DAB1: variants seen among roughly 807,000 people sequenced by gnomAD.
DAB1 encodes disabled homolog 1.
DAB1 carries 15 observed loss-of-function variants against 64.6 expected under a neutral mutation model. The ratio of observed to expected loss-of-function variants is 0.23; its 90% CI spans 0.16 to 0.36. The LOEUF is 0.36. Ranked by LOEUF, DAB1 falls within the 10% of genes least tolerant of loss-of-function variation. The pLI is 1.00. For synonymous variants in DAB1, 235 were observed against 251.9 expected, an observed-to-expected ratio of 0.93 and a Z score of 0.64; for missense variants, 596 against 706.7, an observed-to-expected ratio of 0.84 and a Z score of 1.78.
intron 3 of DAB1, among the ~76,000 whole-genome samples, chr1:58,435,424 T>A (rs706427): frequency 1.3e-4 from 19 of 151,962 alleles, no homozygotes; most frequent in Non-Finnish European, 1.0e-4. Flanking sequence ...TCATATCTTA[T>A]GCATTATAGC....
intron 5 of DAB1, among the ~76,000 whole-genome samples, chr1:58,136,525 G>A (rs17116988): frequency 0.2 from 29,755 of 152,094 alleles, 3,110 homozygotes; most frequent in East Asian, 0.36. Context: ...CTTGAAATGC[G>A]AGATTTATAA....
chr1:57,499,514 C>A (rs1039678696), intron 7 of DAB1, among the ~76,000 whole-genome samples: 1 of 152,058 alleles, frequency 6.6e-6, no homozygotes, highest in African/African-American at 2.4e-5. Context: ...GGTGGTCATG[C>A]CATTCTGCCC....
intron 4 of DAB1, among the ~76,000 whole-genome samples, chr1:58,215,596 A>C (rs1570494642): frequency 6.6e-6 from 1 of 152,190 alleles, no homozygotes; most frequent in Non-Finnish European, 1.5e-5. Flanking sequence ...AAGTGAGTGC[A>C]TGAATAAAGG....
chr1:57,237,208 A>G (rs1668154407), intron 2 of DAB1, among the ~76,000 whole-genome samples: 1 of 152,220 alleles, frequency 6.6e-6, no homozygotes, highest in African/African-American at 2.4e-5. Context: ...TATCTGAATA[A>G]GCCCAATGTG....
intron 1 of DAB1, among the ~76,000 whole-genome samples, chr1:57,356,936 T>C (rs1449268120): frequency 6.6e-6 from 1 of 151,964 alleles, no homozygotes; most frequent in Non-Finnish European, 1.5e-5. Flanking sequence ...TTTTAAGCCA[T>C]GTGGCTTTAA....
chr1:58,208,291 A>G (rs1410474193), intron 4 of DAB1, among the ~76,000 whole-genome samples: 2 of 152,130 alleles, frequency 1.3e-5, no homozygotes, highest in African/African-American at 2.4e-5. Flanking sequence ...TTTTTTTAGC[A>G]TTTTAAAAAA....
At chr1:58,230,272 C>T (rs1471036292) in intron 4 of DAB1, among the ~76,000 whole-genome samples, 2 of 150,856 alleles carry the variant, frequency 1.3e-5, no homozygotes, top group African/African-American at 2.5e-5. Flanking sequence ...AATAAAACAC[C>T]TTGGTGTCGG....
chr1:58,119,708 CAG>C (rs1329461652), intron 5 of DAB1, among the ~76,000 whole-genome samples: 2 of 152,156 alleles, frequency 1.3e-5, no homozygotes, highest in Non-Finnish European at 2.9e-5. Flanking sequence ...AGGTCGGGAG[CAG>C]AGAGGCCTGA....
At chr1:57,621,570 T>C (rs567225663) in intron 7 of DAB1, among the ~76,000 whole-genome samples, 56 of 152,136 alleles carry the variant, frequency 3.7e-4, no homozygotes, top group Middle Eastern at 3.4e-3. Context: ...ACTCTGAGGC[T>C]AGGCGATTGT....
At chr1:57,452,424 G>C (rs1686420367) in intron 7 of DAB1, among the ~76,000 whole-genome samples, 1 of 152,062 alleles carries the variant, frequency 6.6e-6, no homozygotes, top group Non-Finnish European at 1.5e-5. Flanking sequence ...GCATGACCAG[G>C]ACATTTTTTT....
chr1:58,314,964 A>T lies in DAB1; in HGVS notation n.309+28388T>A, dbSNP rs145777474. 3.5e-3 allele frequency among the ~76,000 whole-genome samples: 532 copies of T among 152,346 alleles called. 4 individuals carry two copies. The highest frequency in any genetic ancestry group is 0.012 in the African/African-American group (508 of 41,572). On this transcript the variant is annotated intron_variant and non_coding_transcript_variant, in intron 4 of 20. Coordinates refer to the DAB1 transcript ENST00000485760. Reference sequence around the variant, plus strand: ...TGAGAGTTTAAGTAATTTCCTCCAAACAATGAACATCCAGTGAGACTCTAA... The same window carrying T: ...TGAGAGTTTAAGTAATTTCCTCCAATCAATGAACATCCAGTGAGACTCTAA...
chr1:57,887,287 G>C (rs1413205176), upstream of DAB1, among the ~76,000 whole-genome samples: 1 of 152,100 alleles, frequency 6.6e-6, no homozygotes, highest in African/African-American at 2.4e-5. Flanking sequence ...GCTCAGAATT[G>C]TGGGCTCCCT....
intron 2 of DAB1, among the ~76,000 whole-genome samples, chr1:57,285,852 C>T (rs1223043288): frequency 6.6e-6 from 1 of 152,182 alleles, no homozygotes; most frequent in Non-Finnish European, 1.5e-5. Context: ...CGTTCCTCTA[C>T]CATGATCTTC....
In DAB1 at chr1:57,165,260, T is replaced by A. The variant is rs568921606; in HGVS notation, c.68-19831A>T. On this transcript the variant is annotated intron_variant, in intron 2 of 14. Transcript: ENST00000371236. ...CAAAAGAAAAAATAGGTTTTTTTTT[T>A]AATCAGATAACAAAAGCATGAAAAC... is the stretch of plus-strand genomic sequence containing the variant. 7.7e-3 allele frequency among the ~76,000 whole-genome samples: 1,166 copies of A among 152,260 alleles called. 19 individuals carry two copies. Among genetic ancestry groups the A allele is most frequent in the East Asian group, 0.069 (359 of 5,178 alleles).
At chr1:57,842,155 A>G (rs1300402639) in intron 1 of DAB1, among the ~76,000 whole-genome samples, 2 of 152,178 alleles carry the variant, frequency 1.3e-5, no homozygotes, top group Non-Finnish European at 2.9e-5. Context: ...AGTTCCATAG[A>G]GCTCTAGGGC....
At chr1:58,462,282 G>C (rs996398018) in intron 3 of DAB1, among the ~76,000 whole-genome samples, 2 of 151,676 alleles carry the variant, frequency 1.3e-5, no homozygotes, top group African/African-American at 2.4e-5. Context: ...GCCCGCCACC[G>C]CGCCCGGCTA....
At chr1:57,247,132 G>A (rs192140897) in intron 2 of DAB1, among the ~76,000 whole-genome samples, 311 of 152,264 alleles carry the variant, frequency 2.0e-3, no homozygotes, top group Non-Finnish European at 3.6e-3. Context: ...AAGGACATGC[G>A]ATTTGGGAGG....
chr1:57,899,594 G>T (rs774543676), intron 5 of DAB1, among the ~76,000 whole-genome samples: 1 of 151,904 alleles, frequency 6.6e-6, no homozygotes, highest in Non-Finnish European at 1.5e-5. Context: ...CCGCAAACAT[G>T]CACGGACCAT....
chr1:58,154,669 C>T (rs974060248), intron 4 of DAB1, among the ~76,000 whole-genome samples: 11 of 151,850 alleles, frequency 7.2e-5, no homozygotes, highest in Admixed American at 5.3e-4. Flanking sequence ...CCAGAATGCT[C>T]CAGAAAAGGG....
Sources: allele counts gnomAD v4.1 joint callset (sites outside exome capture counted in the v4.1 genomes callset), GRCh38; gene constraint gnomAD v4.1.1; transcripts MANE v1.5; gene names NCBI Gene and HGNC (gene_info 2026-07-23, HGNC 2026-07-21).